Variants in CLNK observed in about 807,000 individuals in gnomAD.
CLNK encodes cytokine dependent hematopoietic cell linker.
In CLNK, 74 loss-of-function variants were observed where a neutral mutation model predicts 68.6. The ratio of observed to expected loss-of-function variants is 1.08; its 90% CI spans 0.89 to 1.31. The LOEUF is 1.31. Ranked by LOEUF, CLNK falls within the 50% of genes most tolerant of loss-of-function variation. CLNK has a pLI of 0.00. For missense variants in CLNK, 553 were observed against 515.3 expected, an observed-to-expected ratio of 1.07 and a Z score of -0.71; for synonymous variants, 198 against 172.2, an observed-to-expected ratio of 1.15 and a Z score of -1.17.
At chr4:10,543,958 A>T (rs1211713472) in intron 8 of CLNK, among the ~76,000 whole-genome samples, 1 of 152,220 alleles carries the variant, frequency 6.6e-6, no homozygotes, top group Non-Finnish European at 1.5e-5. Flanking sequence ...GGAAATCACA[A>T]AAAAGCTTAG....
rs140380658 is a variant in CLNK, at chr4:10,515,170, G to A, written c.773-1573C>T. ...GGAGAATCGCTTGAGCCTGGGAAGCGGAGGTTGCAATGAGCCGAGATCATG... is the reference window on the plus strand; with the variant it reads ...GGAGAATCGCTTGAGCCTGGGAAGCAGAGGTTGCAATGAGCCGAGATCATG... On this transcript the variant is annotated intron_variant, in intron 15 of 18. Coordinates refer to ENST00000226951, the MANE Select transcript of CLNK (RefSeq NM_052964.4). Among the ~76,000 whole-genome samples the A allele has an allele frequency of 6.3e-3, 961 of 152,202 alleles. 43 individuals are homozygous for A. The East Asian group carries it at 0.13, about 20-fold the overall frequency.
intron 5 of CLNK, 41 bp downstream of exon 5, chr4:10,571,700 T>A (rs768935679): frequency 2.0e-6 from 3 of 1,527,218 alleles, no homozygotes; most frequent in African/African-American, 2.7e-5. Context: ...CTTTGCAATA[T>A]TAAAGACGTA....
intron 14 of CLNK, among the ~76,000 whole-genome samples, chr4:10,523,592 A>G (rs1718172788): frequency 7.5e-6 from 1 of 134,008 alleles, no homozygotes. Context: ...GTCTTTATGT[A>G]ATAAATGAAA....
rs140122754 is a variant in CLNK, at chr4:10,544,651, G to A, written c.446-2371C>T. On this transcript the variant is annotated intron_variant, in intron 8 of 18. Transcript: ENST00000226951. Reference sequence around the variant, plus strand: ...GGGAGCATGTCCTGTGGATATCTTGGGAAGGGGATTCCTGACAGAGGAAAC... The same window carrying A: ...GGGAGCATGTCCTGTGGATATCTTGAGAAGGGGATTCCTGACAGAGGAAAC... Among the ~76,000 whole-genome samples, 146 of 152,284 alleles carry A rather than the reference G, an allele frequency of 9.6e-4. 1 individual carries two copies. In the East Asian group the frequency reaches 0.024, roughly 25 times the overall value.
At chr4:10,652,338 C>T (rs1253344128) in intron 2 of CLNK, among the ~76,000 whole-genome samples, 6 of 137,400 alleles carry the variant, frequency 4.4e-5, no homozygotes, top group East Asian at 4.6e-4. Flanking sequence ...GTGGAGATCG[C>T]GCCACTTCAC....
At chr4:10,594,403 A>G (rs984943396) in intron 3 of CLNK, among the ~76,000 whole-genome samples, 2 of 152,166 alleles carry the variant, frequency 1.3e-5, no homozygotes, top group Admixed American at 6.5e-5. Context: ...CCTGGTAACC[A>G]TGCTTCCATC....
the CLNK span, among the ~76,000 whole-genome samples, chr4:10,713,338 G>T: frequency 1.3e-5 from 2 of 152,202 alleles, no homozygotes; most frequent in Non-Finnish European, 2.9e-5. Flanking sequence ...AAAAGGATGT[G>T]TGAGTGAGAC....
intron 3 of CLNK, among the ~76,000 whole-genome samples, chr4:10,590,083 G>A (rs774900020): frequency 3.9e-5 from 6 of 152,100 alleles, no homozygotes; most frequent in South Asian, 2.1e-4. Flanking sequence ...TATATAAGCC[G>A]GTGTCAACAC....
chr4:10,715,721 A>G, the CLNK span, among the ~76,000 whole-genome samples: 2 of 152,240 alleles, frequency 1.3e-5, no homozygotes, highest in Non-Finnish European at 2.9e-5. Flanking sequence ...AAGTATCACT[A>G]TAATTATTAT....
intron 2 of CLNK, among the ~76,000 whole-genome samples, chr4:10,616,214 T>A (rs551459674): frequency 6.6e-6 from 1 of 152,302 alleles, no homozygotes; most frequent in African/African-American, 2.4e-5. Context: ...CACCCTCAAT[T>A]TAGTGAAGTA....
intron 2 of CLNK, among the ~76,000 whole-genome samples, chr4:10,608,887 C>G (rs979822190): frequency 1.3e-5 from 2 of 152,154 alleles, no homozygotes; most frequent in African/African-American, 4.8e-5. Flanking sequence ...AGCCTGTTTC[C>G]TGATTTGCAG....
chr4:10,571,326 CTTTTT>C (rs60429766), intron 5 of CLNK, among the ~76,000 whole-genome samples: 7 of 64,618 alleles, frequency 1.1e-4, no homozygotes, highest in Non-Finnish European at 1.6e-4. Context: ...GTTGCTGTTG[CTTTTT>C]TTTTTTTTTT....
At chr4:10,495,147 A>G (rs1716754837) in intron 18 of CLNK, among the ~76,000 whole-genome samples, 1 of 152,238 alleles carries the variant, frequency 6.6e-6, no homozygotes, top group Admixed American at 6.5e-5. Flanking sequence ...TTTAACGTTT[A>G]GTTTATCATG....
At chr4:10,506,547 A>G (rs928113366) in intron 17 of CLNK, among the ~76,000 whole-genome samples, 45 of 152,204 alleles carry the variant, frequency 3.0e-4, no homozygotes, top group Admixed American at 7.9e-4. Flanking sequence ...CGAAGAAGTG[A>G]GACATAAAGA....
At chr4:10,518,776 G>A (rs1394423732) in intron 15 of CLNK, among the ~76,000 whole-genome samples, 3 of 152,120 alleles carry the variant, frequency 2.0e-5, no homozygotes, top group African/African-American at 7.2e-5. Context: ...GTATAATAAC[G>A]TACAACTATG....
chr4:10,624,846 T>C (rs952296971), intron 2 of CLNK, among the ~76,000 whole-genome samples: 9 of 152,126 alleles, frequency 5.9e-5, no homozygotes, highest in Non-Finnish European at 1.2e-4. Context: ...ACTTTTTGTG[T>C]TATGGCTGTG....
intron 8 of CLNK, among the ~76,000 whole-genome samples, chr4:10,550,360 T>C (rs1719398045): frequency 6.6e-6 from 1 of 152,160 alleles, no homozygotes; most frequent in Admixed American, 6.5e-5. Context: ...CCGGGCGTGG[T>C]GGCGGGCGCC....
At chr4:10,547,623 C>A (rs1347758348) in intron 8 of CLNK, among the ~76,000 whole-genome samples, 3 of 152,012 alleles carry the variant, frequency 2.0e-5, no homozygotes, top group African/African-American at 7.3e-5. Flanking sequence ...AAACTTTGTC[C>A]CCTTTAAGCA....
At chr4:10,533,909 A>G (rs1718647749) in intron 11 of CLNK, among the ~76,000 whole-genome samples, 1 of 152,234 alleles carries the variant, frequency 6.6e-6, no homozygotes, top group Admixed American at 6.5e-5. Context: ...ATTTACAGAA[A>G]TTGTTAAAGT....
Sources: allele counts gnomAD v4.1 joint callset (sites outside exome capture counted in the v4.1 genomes callset), GRCh38; gene constraint gnomAD v4.1.1; transcripts MANE v1.5; gene names NCBI Gene and HGNC (gene_info 2026-07-23, HGNC 2026-07-21).